The following MAX variants were observed in gnomAD, a reference collection of about 807,000 sequenced individuals.
The protein encoded by MAX is MYC associated transcriptional regulator X, also known as protein max.
MAX carries 3 observed loss-of-function variants against 22.3 expected under a neutral mutation model. The observed-to-expected ratio is 0.13, with a 90% CI of 0.06 to 0.35. The LOEUF (loss-of-function observed/expected upper bound fraction) is 0.35. Among genes scored for constraint, MAX ranks in the 10% least tolerant of loss-of-function variants. The probability of loss-of-function intolerance (pLI) is 1.00; values close to 1 mark genes in which losing one functional copy is unlikely to be tolerated. For synonymous variants in MAX, 72 were observed against 77.7 expected (o/e 0.93, Z 0.39); for missense variants, 119 against 209.4 (o/e 0.57, Z 2.66).
chr14:65,022,674 T>C (rs28699968), intron 3 of MAX, among the ~76,000 whole-genome samples: 39 of 144,922 alleles, frequency 2.7e-4, no homozygotes, highest in African/African-American at 9.8e-4. Context: ...GCCAAATACT[T>C]AAAAAAAAAA....
At position 65,077,485 on chromosome 14, in the gene MAX, T is replaced by TC; in HGVS notation, c.295+427_295+428insG. On this transcript the variant is annotated intron_variant, in intron 4 of 4. Coordinates refer to ENST00000358664, the MANE Select transcript of MAX (RefSeq NM_002382.5). This position sits in a 1 kb window ranked among gnomAD's most constrained non-coding sequence, Gnocchi z 6.3. The stretch of plus-strand genomic sequence containing the variant: ...TTGAGAACAGCATGGGCCTAGCCCA[T>TC]AGGCTGCCCTGATTGGACTACCATT... 8.4e-7 allele frequency: 1 copy of TC among 1,185,946 alleles called. No homozygotes were observed. The highest frequency in any genetic ancestry group is 1.2e-5 in the South Asian group (1 of 82,608). The allele number at this position is 1,185,946 out of a possible 1,614,324, so 73.5% of individuals were successfully genotyped here. A position where few individuals can be genotyped will look rare whatever the true frequency, so the allele number is the denominator to read the frequency against.
intron 3 of MAX, among the ~76,000 whole-genome samples, chr14:65,006,500 G>A (rs933349454): frequency 2.0e-5 from 3 of 152,156 alleles, no homozygotes; most frequent in Non-Finnish European, 2.9e-5. Context: ...TTGGCAGTTC[G>A]CTGCCCCTAG....
chr14:65,102,598 A>G, upstream of MAX: 1 of 1,406,006 alleles, frequency 7.1e-7, no homozygotes, highest in Non-Finnish European at 9.2e-7. Flanking sequence ...GGCAGCCGAG[A>G]CTTGTAGTTC....
At chr14:65,098,781 G>A (rs1245411288) in intron 2 of MAX, among the ~76,000 whole-genome samples, 1 of 152,098 alleles carries the variant, frequency 6.6e-6, no homozygotes, top group Non-Finnish European at 1.5e-5. Context: ...GCTGTTTTCC[G>A]TTTGTACTGA....
rs1184200676 is a variant in MAX at position 65,028,860 on chromosome 14, A to G, written c.172-22576T>C. ...ACATTTTCGTTCCTGTTCTGTTGCT[A>G]TTCCCCCAAAATATGCACAGTCTTG... On this transcript the variant is annotated intron_variant, in intron 3 of 3. Transcript: ENST00000341653. This position sits in a 1 kb window ranked among gnomAD's most constrained non-coding sequence, Gnocchi z 4.4. 6.6e-6 allele frequency among the ~76,000 whole-genome samples: 1 copy of G among 152,138 alleles called. No homozygotes were observed. The highest frequency in any genetic ancestry group is 6.5e-5 in the Admixed American group (1 of 15,282).
At chr14:65,068,012 C>A (rs1247843811) in intron 3 of MAX, among the ~76,000 whole-genome samples, 1 of 152,122 alleles carries the variant, frequency 6.6e-6, no homozygotes, top group Non-Finnish European at 1.5e-5. Flanking sequence ...ATACTATCAA[C>A]CTGCTTCATC....
At chr14:65,080,134 C>T (rs991889082) in intron 3 of MAX, among the ~76,000 whole-genome samples, 2 of 152,208 alleles carry the variant, frequency 1.3e-5, no homozygotes, top group African/African-American at 4.8e-5. Flanking sequence ...TGATTACCTA[C>T]TGTGTGCTAC....
At chr14:65,022,050 A>G (rs1222720070) in intron 3 of MAX, 1 of 456,064 alleles carries the variant, frequency 2.2e-6, no homozygotes, top group Admixed American at 2.3e-5. Context: ...CTCTGTGAGC[A>G]GCAGAGGCCA....
chr14:65,026,092 C>A (rs2061975346), intron 3 of MAX, among the ~76,000 whole-genome samples: 1 of 152,148 alleles, frequency 6.6e-6, no homozygotes, highest in Non-Finnish European at 1.5e-5. Flanking sequence ...TTTCTGGCAG[C>A]AGTAGCAAGG....
intron 3 of MAX, among the ~76,000 whole-genome samples, chr14:65,025,173 G>T (rs924494154): frequency 1.2e-4 from 19 of 152,170 alleles, no homozygotes; most frequent in Non-Finnish European, 4.4e-5. Flanking sequence ...GCTGAGGGAG[G>T]TTGGCATGGA....
Position 65,031,506 on chromosome 14 carries a change from C to T in MAX, c.172-25222G>A, listed in dbSNP as rs938872789. On this transcript the variant is annotated intron_variant, in intron 3 of 3. Coordinates refer to the MAX transcript ENST00000341653. This position sits in a 1 kb window ranked among gnomAD's most constrained non-coding sequence, Gnocchi z 4.6. Reference sequence around the variant, plus strand: ...CTAATTTTTGTGTTTTTAGTGGAGACGGGGTTTCGCAATATTGGTCAGGTT... The same window carrying T: ...CTAATTTTTGTGTTTTTAGTGGAGATGGGGTTTCGCAATATTGGTCAGGTT... 4.0e-5 allele frequency among the ~76,000 whole-genome samples: 6 copies of T among 151,806 alleles called. No individual in the cohort carries two copies. The highest frequency in any genetic ancestry group is 9.7e-5 in the African/African-American group (4 of 41,430).
rs1237829531 is a variant in MAX, at chr14:65,082,423, T to C, written c.172-4387A>G. On this transcript the variant is annotated intron_variant, in intron 3 of 4. Transcript: ENST00000358664. This position sits in a 1 kb window ranked among gnomAD's most constrained non-coding sequence, Gnocchi z 4.8. ...ACCGGTAACAGGCATAAGAATTGAG[T>C]TGCAAGTGAGGCAATGATGAAGACT... 3 of 152,176 alleles carry C rather than the reference T, an allele frequency of 2.0e-5. No homozygotes were observed. Among genetic ancestry groups the C allele is most frequent in the South Asian group, 4.1e-4 (2 of 4,820 alleles). 9.4% of individuals were successfully genotyped at this position (152,176 alleles called of 1,614,324 possible).
rs889690821 is a variant in MAX, at chr14:65,007,431, A to G, written c.172-1147T>C. The stretch of plus-strand genomic sequence containing the variant: ...ACACACATGCCCAGGACCACAGACC[A>G]CGCACAGGTCCAGGGATGCCTGTGA... On this transcript the variant is annotated intron_variant, in intron 3 of 3. Transcript: ENST00000341653. The surrounding 1 kb of genome is among the most constrained non-coding windows in gnomAD (Gnocchi z 4.9). Among the ~76,000 whole-genome samples the G allele has an allele frequency of 3.3e-5, 5 of 152,230 alleles. No homozygotes were observed. Among genetic ancestry groups the G allele is most frequent in the Non-Finnish European group, 7.3e-5 (5 of 68,038 alleles).
Position 65,068,416 on chromosome 14 carries a change from CA to C in MAX, c.171+25291del, listed in dbSNP as rs1326959983. On this transcript the variant is annotated intron_variant, in intron 3 of 3. Transcript: ENST00000341653. Reference sequence around the variant, plus strand: ...TGCCACTGCACTCCAACCTGGGCGACAGCGTGAGACTCTGTCTCAAAACAAC... The same window carrying C: ...TGCCACTGCACTCCAACCTGGGCGACGCGTGAGACTCTGTCTCAAAACAAC... 2.0e-5 allele frequency among the ~76,000 whole-genome samples: 3 copies of C among 152,276 alleles called. No homozygotes were observed. The East Asian group carries it at 5.8e-4, about 29-fold the overall frequency.
chr14:65,021,891 C>G, intron 3 of MAX: 1 of 455,538 alleles, frequency 2.2e-6, no homozygotes, highest in South Asian at 1.5e-5. Flanking sequence ...AGTGATCCGC[C>G]CACGTCGGCC....
At chr14:65,033,388 C>T (rs878922690) in intron 3 of MAX, among the ~76,000 whole-genome samples, 16 of 152,112 alleles carry the variant, frequency 1.1e-4, no homozygotes, top group African/African-American at 3.1e-4. Context: ...TAGTGATTCC[C>T]GCTGAGGGGA....
intron 3 of MAX, among the ~76,000 whole-genome samples, chr14:65,021,795 G>A (rs2061891189): frequency 6.6e-6 from 1 of 152,208 alleles, no homozygotes; most frequent in African/African-American, 2.4e-5. Context: ...ACGGGCGCAT[G>A]CCACTATGCC....
At chr14:65,037,402 C>CTTTTTTTTTTTTTTTTTTTTTT (rs765037575) in intron 3 of MAX, among the ~76,000 whole-genome samples, 2 of 14,536 alleles carry the variant, frequency 1.4e-4, no homozygotes, top group Non-Finnish European at 2.8e-4. Flanking sequence ...CACGCCGGGC[C>CTTTTTTTTTTTTTTTTTTTTTT]CTTTTTTTTT....
chr14:65,085,385 T>C (rs1023393795), intron 3 of MAX, among the ~76,000 whole-genome samples: 2 of 152,234 alleles, frequency 1.3e-5, no homozygotes, highest in Admixed American at 1.3e-4. Context: ...TCTAAAGTTT[T>C]TGCAATTTTG....
Sources: allele counts gnomAD v4.1 joint callset (sites outside exome capture counted in the v4.1 genomes callset), GRCh38; gene constraint gnomAD v4.1.1; non-coding constraint Gnocchi (gnomAD v3.1); transcripts MANE v1.5; gene names NCBI Gene and HGNC (gene_info 2026-07-23, HGNC 2026-07-21).